The following NOC2L variants were observed in gnomAD, a reference collection of about 807,000 sequenced individuals.
The protein encoded by NOC2L is NOC2 like nucleolar associated transcriptional repressor.
Under a neutral mutation model 94.2 loss-of-function variants are expected in NOC2L, and 101 were observed. That is an observed-to-expected ratio of 1.07 (90% CI 0.91 to 1.26). The LOEUF is 1.26. Ranked by LOEUF, NOC2L falls within the 50% of genes most tolerant of loss-of-function variation. The probability of loss-of-function intolerance (pLI) is 0.00; values close to 1 mark genes in which losing one functional copy is unlikely to be tolerated. For missense variants in NOC2L, 1,076 were observed against 980.1 expected, an observed-to-expected ratio of 1.10 and a Z score of -1.31; for synonymous variants, 531 against 413.4, an observed-to-expected ratio of 1.28 and a Z score of -3.45.
chr1:953,714 TGTG>T (rs1451448625), intron 8 of NOC2L, 65 bp downstream of exon 8: 2 of 1,173,610 alleles, frequency 1.7e-6, no homozygotes, highest in African/African-American at 3.0e-5. Context: ...AGGAGTGGGA[TGTG>T]GTGGGGGTAG....
chr1:959,158 C>T, intron 1 of NOC2L, 57 bp downstream of exon 1: 3 of 1,611,948 alleles, frequency 1.9e-6, no homozygotes, highest in Non-Finnish European at 2.5e-6. Context: ...AAGAAAAGCC[C>T]CCTTGGATAC....
intron 6 of NOC2L, 74 bp from the exon 7 acceptor site, chr1:954,156 G>C: frequency 6.9e-7 from 1 of 1,456,198 alleles, no homozygotes; most frequent in Non-Finnish European, 9.5e-7. Context: ...ATGTTGGCGC[G>C]TGCCCTGGCC....
chr1:945,093 C>A lies in NOC2L; in HGVS notation c.2107G>T (p.Glu703Ter), dbSNP rs138911665. The A allele has an allele frequency of 1.2e-6, 2 of 1,611,922 alleles. No individual in the cohort carries two copies. The highest frequency in any genetic ancestry group is 2.2e-5 in the East Asian group (1 of 44,882). The change falls in exon 18 of 19, where the codon GAG becomes TAG. Residue 703 changes from glutamate (E) to a stop codon, truncating the protein, a stop_gained. Transcript: ENST00000327044. LOFTEE classifies it low-confidence loss of function (END_TRUNC). ...RHGVEDDEED[E>*]EEGEEDSSNS... is the part of the protein sequence containing the mutation. The stretch of plus-strand genomic sequence containing the variant: ...CTGCTGTCCTCCTCGCCCTCCTCCT[C>A]GTCCTCTTCATCGTCTTCCACCCCA...
chr1:944,929 G>A (rs1642051130), intron 18 of NOC2L, 128 bp downstream of exon 18: 6 of 1,478,456 alleles, frequency 4.1e-6, no homozygotes, highest in Admixed American at 3.6e-5. Flanking sequence ...AGAGAACAGA[G>A]CATTTGGCCT....
chr1:946,826 G>A (rs1205665352), intron 14 of NOC2L: 1 of 312,648 alleles, frequency 3.2e-6, no homozygotes, highest in East Asian at 7.5e-5. Flanking sequence ...GGGAGGCTGA[G>A]GCGGGTGGAT....
chr1:951,879 G>C, intron 11 of NOC2L, 121 bp downstream of exon 11: 1 of 1,133,888 alleles, frequency 8.8e-7, no homozygotes, highest in South Asian at 1.6e-5. Context: ...CCTTCCTCAG[G>C]GACGGCCAGG....
chr1:951,313 C>T (rs1463805500), intron 11 of NOC2L, 75 bp from the exon 12 acceptor site: 4 of 1,148,544 alleles, frequency 3.5e-6, no homozygotes, highest in African/African-American at 1.5e-5. Context: ...TGTCTTGGAC[C>T]TCCTCCCCCA....
rs370694561 is a variant in NOC2L, at chr1:951,272, C to T, written c.1332-34G>A. The T allele has an allele frequency of 2.0e-4, 297 of 1,480,884 alleles. 1 individual carries two copies. The highest frequency in any genetic ancestry group is 5.1e-4 in the Middle Eastern group (3 of 5,860). 91.7% of individuals were successfully genotyped at this position (1,480,884 alleles called of 1,614,324 possible). A position where few individuals can be genotyped will look rare whatever the true frequency, so the allele number is the denominator to read the frequency against. ...GGGAAGGCCGAGTGAGCAGAGGCCCCGGCTCTGGCAGCCCCTGCCCCTCCC... is the reference window on the plus strand; with the variant it reads ...GGGAAGGCCGAGTGAGCAGAGGCCCTGGCTCTGGCAGCCCCTGCCCCTCCC... On this transcript the variant is annotated intron_variant, in intron 11 of 18. Coordinates refer to ENST00000327044, the MANE Select transcript of NOC2L (RefSeq NM_015658.4).
In NOC2L at chr1:944,799, A is replaced by G. The variant is rs1250488841; in HGVS notation, c.2145T>C (p.Asp715=). 6.3e-7 allele frequency: 1 copy of G among 1,575,162 alleles called. No individual in the cohort carries two copies. The highest frequency in any genetic ancestry group is 2.2e-5 in the East Asian group (1 of 44,490). ...GCCCCGCCTCTGCGTCTGGGTCTCC[A>G]TCTGCGGGGAGAGATGGAGGCTACA... is the stretch of plus-strand genomic sequence containing the variant. The part of the protein sequence containing the change: ...EGEEDSSNSE[D]GDPDAEAGLA... The change falls in exon 19 of 19, where the codon GAT becomes GAC. Residue 715 remains aspartate, a splice_region_variant and synonymous_variant. Transcript: ENST00000327044.
In NOC2L at chr1:954,000, G is replaced by C. The variant is rs764547859; in HGVS notation, c.777+4C>G. The C allele has an allele frequency of 5.6e-6, 9 of 1,605,276 alleles. No homozygotes were observed. In the Admixed American group the frequency reaches 1.5e-4, roughly 27 times the overall value. ...CCCCCGTGCCCTCCCCACCAGAATA[G>C]CACCTGTATGGCCGAGCCCAGGTAA... On this transcript the variant is annotated splice_donor_region_variant and intron_variant, in intron 7 of 18. Coordinates refer to ENST00000327044, the MANE Select transcript of NOC2L (RefSeq NM_015658.4).
intron 7 of NOC2L, 25 bp downstream of exon 7, chr1:953,979 C>T (rs748081669): frequency 2.5e-6 from 4 of 1,602,492 alleles, no homozygotes; most frequent in South Asian, 1.1e-5. Context: ...GCCAGGCCCC[C>T]GTGCCCTCCC....
chr1:952,000 T>C lies in NOC2L; in HGVS notation c.1331A>G (p.Lys444Arg), dbSNP rs1466846452. 12 of 1,611,516 alleles carry C rather than the reference T, an allele frequency of 7.4e-6. No individual in the cohort carries two copies. Among genetic ancestry groups the C allele is most frequent in the Non-Finnish European group, 1.0e-5 (12 of 1,178,988 alleles). ...CAACCCTGCCCACCCCACAACTCAC[T>C]TGATACAGCCAATGATGACTTGGGC... is the stretch of plus-strand genomic sequence containing the variant. ...PLAQVIIGCI[K>R]LIPTARFYPL... Residue 444 changes from lysine to arginine, a missense_variant and splice_region_variant, in exon 11 of 19, where the codon AAG becomes AGG. Physicochemically the swap from Lys to Arg is conservative, Grantham distance 26 (BLOSUM62 2). Around this residue, in one of 3 missense-constraint regions of NOC2L, gnomAD observed 615 missense variants for 577.4 expected, o/e 1.07. Coordinates refer to ENST00000327044, the MANE Select transcript of NOC2L (RefSeq NM_015658.4).
Position 959,211 on chromosome 1 carries a change from T to C in NOC2L, c.26+4A>G, listed in dbSNP as rs202060515. The C allele has an allele frequency of 1.2e-3, 1,945 of 1,609,510 alleles. 4 individuals are homozygous for C. The highest frequency in any genetic ancestry group is 1.4e-3 in the Non-Finnish European group (1,672 of 1,178,704). ...CCAAATCGGCCCTCGGACCCGCGGC[T>C]TACCTCTTGCGGCTCCCCGCAGCTG... On this transcript the variant is annotated splice_donor_region_variant and intron_variant, in intron 1 of 18. Transcript: ENST00000327044.
chr1:944,853 G>A (rs1301260011), intron 18 of NOC2L, 53 bp from the exon 19 acceptor site: 5 of 1,373,540 alleles, frequency 3.6e-6, no homozygotes, highest in Admixed American at 2.0e-5. Context: ...GAAGAAGCCA[G>A]CCTTAGAGGT....
intron 2 of NOC2L, chr1:958,144 C>T: frequency 6.5e-6 from 1 of 152,972 alleles, no homozygotes; most frequent in East Asian, 1.9e-4. Flanking sequence ...TCTCCACTCA[C>T]CGCAACCTCC....
intron 16 of NOC2L, 127 bp from the exon 17 acceptor site, chr1:945,780 A>C: frequency 8.4e-7 from 1 of 1,187,632 alleles, no homozygotes; most frequent in Non-Finnish European, 1.2e-6. Context: ...CTCTGTTCCC[A>C]AATCACAAAG....
At chr1:945,714 G>C in intron 16 of NOC2L, 61 bp from the exon 17 acceptor site, 1 of 1,611,232 alleles carries the variant, frequency 6.2e-7, no homozygotes, top group East Asian at 2.2e-5. Context: ...GGCCACAGCA[G>C]GGCCAGGCAT....
intron 12 of NOC2L, among the ~76,000 whole-genome samples, chr1:949,579 G>A (rs1288751960): frequency 1.3e-5 from 2 of 152,228 alleles, no homozygotes; most frequent in African/African-American, 4.8e-5. Flanking sequence ...GGGGCCTACA[G>A]GGTGCGGCTG....
chr1:946,770 G>A, intron 14 of NOC2L: 1 of 522,972 alleles, frequency 1.9e-6, no homozygotes, highest in Non-Finnish European at 3.4e-6. Flanking sequence ...TGGAAATAAA[G>A]TTTTATGCCA....
Sources: allele counts gnomAD v4.1 joint callset (sites outside exome capture counted in the v4.1 genomes callset), GRCh38; gene constraint gnomAD v4.1.1; regional missense constraint gnomAD v4.1.1; transcripts MANE v1.5; gene names NCBI Gene and HGNC (gene_info 2026-07-23, HGNC 2026-07-21).